The following IL34 variants were observed in gnomAD, a reference collection of about 807,000 sequenced individuals.
IL34 encodes the protein interleukin 34, also known as interleukin-34.
Under a neutral mutation model 25.3 loss-of-function variants are expected in IL34, and 17 were observed. The ratio of observed to expected loss-of-function variants is 0.67; its 90% confidence interval spans 0.46 to 1.01. The LOEUF (loss-of-function observed/expected upper bound fraction) is 1.01. Among genes scored for constraint, IL34 ranks in the 50% least tolerant of loss-of-function variants. The pLI, the probability that IL34 is intolerant of heterozygous loss-of-function variation, is 0.00. For synonymous variants in IL34, 174 were observed against 140.9 expected, an observed-to-expected ratio of 1.23 and a Z score of -1.66; for missense variants, 368 against 312.9, an observed-to-expected ratio of 1.18 and a Z score of -1.33.
chr16:70,644,700 AGGAGGAGGAGGG>A (rs199713334), upstream of IL34, among the ~76,000 whole-genome samples: 2,409 of 92,426 alleles, frequency 0.026, 96 homozygotes, highest in African/African-American at 0.089. Flanking sequence ...CAGGGTGAGG[AGGAGGAGGAGGG>A]GGAGGAGGAG....
chr16:70,642,000 A>G (rs1216548213), upstream of IL34, among the ~76,000 whole-genome samples: 1 of 152,228 alleles, frequency 6.6e-6, no homozygotes, highest in Non-Finnish European at 1.5e-5. Flanking sequence ...TGACAATAAA[A>G]AGAGTAAAGT....
chr16:70,655,351 CT>C (rs1335714674), intron 2 of IL34, among the ~76,000 whole-genome samples: 2 of 148,312 alleles, frequency 1.3e-5, no homozygotes, highest in Non-Finnish European at 3.0e-5. Flanking sequence ...GCGCCCGGCC[CT>C]TTTTTTTTCT....
chr16:70,598,903 G>C lies in IL34; in HGVS notation c.-401+18854G>C, dbSNP rs146583448. 9.5e-4 allele frequency among the ~76,000 whole-genome samples: 144 copies of C among 152,342 alleles called. 2 individuals carry two copies. The East Asian group carries it at 0.022, about 23-fold the overall frequency. The stretch of plus-strand genomic sequence containing the variant: ...CTCAAGCATAGGCAGTGGGGGTTCA[G>C]AAGGTGCAAAATCACATCAGGCCTG... On this transcript the variant is annotated intron_variant, in intron 1 of 6. Transcript: ENST00000429149.
At chr16:70,595,885 C>G (rs549107611) in intron 1 of IL34, among the ~76,000 whole-genome samples, 10 of 151,780 alleles carry the variant, frequency 6.6e-5, no homozygotes, top group Non-Finnish European at 1.3e-4. Context: ...GTGGTGTGCA[C>G]CTGTAGTCTC....
At chr16:70,627,357 G>T (rs1459386019) in intron 1 of IL34, among the ~76,000 whole-genome samples, 2 of 151,962 alleles carry the variant, frequency 1.3e-5, no homozygotes, top group African/African-American at 2.4e-5. Context: ...ACTATTACCA[G>T]CGTGTAGAAG....
At chr16:70,628,435 G>A (rs752586478) in intron 1 of IL34, among the ~76,000 whole-genome samples, 1 of 151,108 alleles carries the variant, frequency 6.6e-6, no homozygotes, top group African/African-American at 2.4e-5. Context: ...TATGTAAGTG[G>A]TCTCTTTTCT....
chr16:70,621,619 G>A (rs1290078419), intron 1 of IL34, among the ~76,000 whole-genome samples: 5 of 152,154 alleles, frequency 3.3e-5, no homozygotes, highest in Admixed American at 6.5e-5. Context: ...TTTCATGCGC[G>A]TCCGTGTGAA....
chr16:70,622,523 C>T lies in IL34; in HGVS notation c.-400-24025C>T, dbSNP rs903465236. On this transcript the variant is annotated intron_variant, in intron 1 of 6. Coordinates refer to the IL34 transcript ENST00000429149. Reference sequence around the variant, plus strand: ...ATAGCCTGCCTTTGCTGGTGTGTGGCGATTAGGCCTGGTGGAACTGCCATC... The same window carrying T: ...ATAGCCTGCCTTTGCTGGTGTGTGGTGATTAGGCCTGGTGGAACTGCCATC... Among the ~76,000 whole-genome samples the T allele has an allele frequency of 9.7e-3, 1,478 of 151,652 alleles. 11 individuals carry two copies. The highest frequency in any genetic ancestry group is 0.024 in the Middle Eastern group (7 of 292).
At chr16:70,621,349 T>C (rs1003764610) in intron 1 of IL34, among the ~76,000 whole-genome samples, 2 of 151,982 alleles carry the variant, frequency 1.3e-5, no homozygotes, top group Admixed American at 1.3e-4. Flanking sequence ...CCTTCGTCTC[T>C]CCCAGAAAAT....
intron 1 of IL34, among the ~76,000 whole-genome samples, chr16:70,615,874 G>C (rs2051165052): frequency 6.6e-6 from 1 of 152,054 alleles, no homozygotes; most frequent in South Asian, 2.1e-4. Context: ...GATCTCTTGA[G>C]CCCAGGCAGT....
chr16:70,639,773 G>C (rs2051738962), intron 1 of IL34, among the ~76,000 whole-genome samples: 1 of 152,142 alleles, frequency 6.6e-6, no homozygotes, highest in South Asian at 2.1e-4. Flanking sequence ...GAGCAACATA[G>C]TGAGACCCTG....
chr16:70,609,960 TTG>T (rs2051066450), intron 1 of IL34, among the ~76,000 whole-genome samples: 1 of 152,138 alleles, frequency 6.6e-6, no homozygotes, highest in South Asian at 2.1e-4. Context: ...TCCCAGCACT[TTG>T]GGAGGCCAAG....
chr16:70,657,788 A>C (rs537657959), intron 4 of IL34, among the ~76,000 whole-genome samples: 1 of 152,296 alleles, frequency 6.6e-6, no homozygotes, highest in South Asian at 2.1e-4. Flanking sequence ...AAAACAAAAA[A>C]CAAAAAACTA....
intron 1 of IL34, among the ~76,000 whole-genome samples, chr16:70,586,411 A>G (rs2050695172): frequency 1.3e-5 from 2 of 152,066 alleles, no homozygotes; most frequent in Non-Finnish European, 2.9e-5. Flanking sequence ...TATACAAAAG[A>G]TAACTGGTGG....
At chr16:70,596,092 A>G (rs1722690322) in intron 1 of IL34, among the ~76,000 whole-genome samples, 1 of 151,896 alleles carries the variant, frequency 6.6e-6, no homozygotes. Flanking sequence ...TGGGAAGACC[A>G]AGATCAAGGC....
chr16:70,651,270 G>GGGATGCTTTT (rs2052071900), intron 1 of IL34, among the ~76,000 whole-genome samples: 1 of 152,112 alleles, frequency 6.6e-6, no homozygotes, highest in African/African-American at 2.4e-5. Flanking sequence ...GAGCCCAGGA[G>GGGATGCTTTT]GCAGGGATGA....
At chr16:70,608,159 TG>T (rs1268333514) in intron 1 of IL34, among the ~76,000 whole-genome samples, 2 of 149,414 alleles carry the variant, frequency 1.3e-5, no homozygotes, top group African/African-American at 4.9e-5. Flanking sequence ...GATAGAGTCT[TG>T]CTCTGTTGCC....
At chr16:70,635,222 C>T (rs1312196197) in intron 1 of IL34, among the ~76,000 whole-genome samples, 8 of 152,130 alleles carry the variant, frequency 5.3e-5, no homozygotes, top group Admixed American at 2.6e-4. Context: ...GTGGAGGGCC[C>T]CATTACCATG....
intron 1 of IL34, among the ~76,000 whole-genome samples, chr16:70,640,697 CT>C (rs1201944591): frequency 2.0e-5 from 3 of 151,694 alleles, no homozygotes; most frequent in African/African-American, 7.3e-5. Context: ...TAAGTCAGGC[CT>C]TTTGCAGTAT....
Sources: gnomAD v4.1 joint callset for allele counts (sites outside exome capture counted in the v4.1 genomes callset) on GRCh38, gnomAD v4.1.1 for gene constraint, MANE v1.5 for transcripts, NCBI Gene and HGNC (gene_info 2026-07-23, HGNC 2026-07-21) for gene names.